DOT1L: variants seen among roughly 807,000 people sequenced by gnomAD.
DOT1L encodes histone-lysine N-methyltransferase, H3 lysine-79 specific.
A neutral mutation model predicts 153.3 loss-of-function variants in DOT1L; 33 were observed. That is an observed-to-expected ratio of 0.22 (90% confidence interval 0.16 to 0.29). DOT1L has a LOEUF of 0.29. Ranked by LOEUF, DOT1L falls within the 10% of genes least tolerant of loss-of-function variation. The probability of loss-of-function intolerance (pLI) is 1.00; values close to 1 mark genes in which losing one functional copy is unlikely to be tolerated. For synonymous variants in DOT1L, 1,135 were observed against 965.1 expected, an observed-to-expected ratio of 1.18 and a Z score of -3.26; for missense variants, 1,847 against 2,119.9, an observed-to-expected ratio of 0.87 and a Z score of 2.53.
chr19:2,189,407 C>A (rs923147571), intron 3 of DOT1L, among the ~76,000 whole-genome samples: 1 of 152,222 alleles, frequency 6.6e-6, no homozygotes, highest in Non-Finnish European at 1.5e-5. Context: ...CCTCAGTCCC[C>A]CTCGAGCCCT....
intron 3 of DOT1L, among the ~76,000 whole-genome samples, chr19:2,187,854 G>T (rs7254430): frequency 6.6e-6 from 1 of 151,184 alleles, no homozygotes; most frequent in Non-Finnish European, 1.5e-5. Context: ...CCCGGGAGGC[G>T]GAGCTTGCAG....
chr19:2,232,236 C>T lies in DOT1L; in HGVS notation c.*2444C>T, dbSNP rs2024632973. On this transcript the variant is annotated 3_prime_UTR_variant, in exon 28 of 28. Coordinates refer to ENST00000398665, the MANE Select transcript of DOT1L (RefSeq NM_032482.3). ...GGAACCCTAAAAACTAGGATACCCC[C>T]TCCTCGGCCCATGAGGCACGCACAG... The T allele has an allele frequency of 4.6e-6, 1 of 219,622 alleles. No individual in the cohort carries two copies. 13.6% of individuals were successfully genotyped at this position (219,622 alleles called of 1,614,324 possible).
Position 2,194,525 on chromosome 19 carries a change from G to T in DOT1L, c.599G>T (p.Arg200Leu), listed in dbSNP as rs781121686. Reference sequence around the variant, plus strand: ...TTTCTTTCCTTCCAGACCATGGACCGCGAGTTCAGGAAGTGGATGAAATGG... The same window carrying T: ...TTTCTTTCCTTCCAGACCATGGACCTCGAGTTCAGGAAGTGGATGAAATGG... ...IPAKYAETMD[R>L]EFRKWMKWYG... is the part of the protein sequence containing the mutation. Residue 200 changes from arginine (R) to leucine (L), a missense_variant, in exon 7 of 28, where the codon CGC becomes CTC. Transcript: ENST00000398665. 8.7e-6 allele frequency: 14 copies of T among 1,613,504 alleles called. No homozygotes were observed. Among genetic ancestry groups the T allele is most frequent in the Non-Finnish European group, 1.1e-5 (13 of 1,179,860 alleles).
At position 2,208,022 on chromosome 19, in the gene DOT1L, G is replaced by A. The variant is rs1430585950; in HGVS notation, c.963+342G>A. 2.6e-5 allele frequency among the ~76,000 whole-genome samples: 4 copies of A among 152,152 alleles called. No individual in the cohort carries two copies. Among genetic ancestry groups the A allele is most frequent in the Admixed American group, 2.6e-4 (4 of 15,290 alleles). ...TATCCAGAGGCCCCTGTGGATAGGA[G>A]TCCCACGTCCCTGTTCCCAGCTTCC... On this transcript the variant is annotated intron_variant, in intron 11 of 27. Coordinates refer to ENST00000398665, the MANE Select transcript of DOT1L (RefSeq NM_032482.3). This position sits in a 1 kb window ranked among gnomAD's most constrained non-coding sequence, Gnocchi z 4.4.
intron 26 of DOT1L, among the ~76,000 whole-genome samples, chr19:2,225,690 G>C (rs902041114): frequency 1.3e-5 from 2 of 152,014 alleles, no homozygotes; most frequent in Non-Finnish European, 2.9e-5. Context: ...CAGGGCCTCC[G>C]CGCACACGCC....
chr19:2,185,923 C>A lies in DOT1L; in HGVS notation c.194C>A (p.Thr65Asn). The A allele has an allele frequency of 6.2e-7, 1 of 1,614,030 alleles. No homozygotes were observed. Among genetic ancestry groups the A allele is most frequent in the Non-Finnish European group, 8.5e-7 (1 of 1,179,968 alleles). Residue 65 changes from threonine (T) to asparagine (N), a missense_variant, in exon 3 of 28, where the codon ACC (threonine) becomes AAC (asparagine). Physicochemically the swap from Thr to Asn is moderately conservative, Grantham distance 65. This residue lies in a region of DOT1L where 148 missense variants were observed against 422.3 expected (regional missense o/e 0.35). Coordinates refer to ENST00000398665, the MANE Select transcript of DOT1L (RefSeq NM_032482.3). ...MENYVLIDYD[T>N]KSFESMQRLC... ...AATTACGTTTTAATTGACTATGACA[C>A]CAAAAGGTAAGCAGAGTCCTGTCCA...
At chr19:2,184,557 C>T (rs2144713822) in intron 2 of DOT1L, among the ~76,000 whole-genome samples, 1 of 152,246 alleles carries the variant, frequency 6.6e-6, no homozygotes, top group African/African-American at 2.4e-5. Context: ...AACCCCCATC[C>T]CTCCCTGACC....
intron 27 of DOT1L, chr19:2,227,816 C>T (rs767318897): frequency 8.4e-6 from 11 of 1,301,930 alleles, no homozygotes; most frequent in Admixed American, 2.3e-5. Context: ...CATGTGGCAG[C>T]GCCACACTGG....
intron 7 of DOT1L, among the ~76,000 whole-genome samples, chr19:2,195,287 T>C (rs1236005212): frequency 3.3e-5 from 5 of 152,040 alleles, no homozygotes; most frequent in Non-Finnish European, 7.4e-5. Flanking sequence ...GCTGAGTCCT[T>C]AGACACCAGG....
Position 2,206,796 on chromosome 19 carries a change from T to C in DOT1L, c.855T>C (p.Ser285=), listed in dbSNP as rs942122014. The C allele has an allele frequency of 7.4e-6, 12 of 1,613,524 alleles. No individual in the cohort carries two copies. The highest frequency in any genetic ancestry group is 1.0e-5 in the Non-Finnish European group (12 of 1,179,624). ...TCAGAATAAACAGTAGAAACTTGAG[T>C]GGTAAGAAACTCTCATGTTGTTAAT... The part of the protein sequence containing the change: ...LNFRINSRNL[S]DIGTIMRVVE... Residue 285 remains serine, a splice_region_variant and synonymous_variant, in exon 10 of 28, where the codon AGT becomes AGC. Coordinates refer to ENST00000398665, the MANE Select transcript of DOT1L (RefSeq NM_032482.3).
chr19:2,166,613 G>A (rs1236355509), intron 1 of DOT1L, among the ~76,000 whole-genome samples: 1 of 151,846 alleles, frequency 6.6e-6, no homozygotes, highest in Non-Finnish European at 1.5e-5. Context: ...GTTTCTTCAT[G>A]TTGGCTAGGC....
At chr19:2,185,181 G>C (rs1418904908) in intron 2 of DOT1L, among the ~76,000 whole-genome samples, 1 of 152,166 alleles carries the variant, frequency 6.6e-6, no homozygotes, top group East Asian at 1.9e-4. Flanking sequence ...TGGGATTACA[G>C]GTGTGAGCCA....
rs536796433 is a variant in DOT1L at position 2,207,808 on chromosome 19, C to T, written c.963+128C>T. The T allele has an allele frequency of 1.2e-6, 1 of 859,106 alleles. No individual in the cohort carries two copies. Among genetic ancestry groups the T allele is most frequent in the African/African-American group, 1.7e-5 (1 of 58,896 alleles). The allele number at this position is 859,106 out of a possible 1,614,324, so 53.2% of individuals were successfully genotyped here. ...CTCAGAGCCCTCAACGCCCCCCGGC[C>T]CCTGAGCTCAGGCCCAGCTCCTCAA... On this transcript the variant is annotated intron_variant, in intron 11 of 27. Coordinates refer to ENST00000398665, the MANE Select transcript of DOT1L (RefSeq NM_032482.3). The surrounding 1 kb of genome is among the most constrained non-coding windows in gnomAD (Gnocchi z 4.5).
At chr19:2,229,500 G>A (rs1033583381) in intron 27 of DOT1L, 1 of 985,378 alleles carries the variant, frequency 1.0e-6, no homozygotes, top group African/African-American at 1.7e-5. Flanking sequence ...TCTCTTAGGA[G>A]ATGAGCTGCA....
Position 2,208,341 on chromosome 19 carries a change from G to C in DOT1L, c.964-594G>C, listed in dbSNP as rs1014055773. Reference sequence around the variant, plus strand: ...GGTGGTTTTCCTTACGGTGGTGCTGGTGTGTCTGCACCCTCACTGTCCAGT... The same window carrying C: ...GGTGGTTTTCCTTACGGTGGTGCTGCTGTGTCTGCACCCTCACTGTCCAGT... On this transcript the variant is annotated intron_variant, in intron 11 of 27. Coordinates refer to ENST00000398665, the MANE Select transcript of DOT1L (RefSeq NM_032482.3). This position sits in a 1 kb window ranked among gnomAD's most constrained non-coding sequence, Gnocchi z 4.4. Among the ~76,000 whole-genome samples, 1 of 152,124 alleles carries C rather than the reference G, an allele frequency of 6.6e-6. No individual in the cohort carries two copies. The highest frequency in any genetic ancestry group is 1.5e-5 in the Non-Finnish European group (1 of 68,016).
rs2024596654 is a variant in DOT1L, at chr19:2,231,517, C to G, written c.*1725C>G. ...CCCAGCCCCCAACAACCTCTCAGACCCCCACCCTCCAACATAGCTGAGTTC... is the reference window on the plus strand; with the variant it reads ...CCCAGCCCCCAACAACCTCTCAGACGCCCACCCTCCAACATAGCTGAGTTC... On this transcript the variant is annotated 3_prime_UTR_variant, in exon 28 of 28. Transcript: ENST00000398665. The G allele has an allele frequency of 4.9e-6, 1 of 202,070 alleles. No individual in the cohort carries two copies. Among genetic ancestry groups the G allele is most frequent in the Non-Finnish European group, 1.0e-5 (1 of 98,348 alleles). The allele number at this position is 202,070 out of a possible 1,614,324, so 12.5% of individuals were successfully genotyped here.
At chr19:2,227,792 C>T (rs966484841) in intron 27 of DOT1L, 4 of 1,311,676 alleles carry the variant, frequency 3.0e-6, no homozygotes, top group Admixed American at 2.2e-5. Context: ...GAGCCCGTGT[C>T]GGCCGCGGGG....
Position 2,164,165 on chromosome 19 carries a change from C to A in DOT1L, c.-20C>A, listed in dbSNP as rs1454999663. On this transcript the variant is annotated 5_prime_UTR_variant, in exon 1 of 28. Coordinates refer to ENST00000398665, the MANE Select transcript of DOT1L (RefSeq NM_032482.3). ...CCCCAACCGCCCGCCTAGCATGGTG[C>A]GGCGGCCGCGCGCGCGGACATGGGG... 4 of 1,108,174 alleles carry A rather than the reference C, an allele frequency of 3.6e-6. No homozygotes were observed. Among genetic ancestry groups the A allele is most frequent in the Non-Finnish European group, 4.4e-6 (4 of 909,036 alleles). The allele number at this position is 1,108,174 out of a possible 1,614,324, so 68.6% of individuals were successfully genotyped here. A position where few individuals can be genotyped will look rare whatever the true frequency, so the allele number is the denominator to read the frequency against.
intron 2 of DOT1L, 133 bp downstream of exon 2, chr19:2,180,889 G>T: frequency 9.2e-7 from 1 of 1,087,366 alleles, no homozygotes; most frequent in Non-Finnish European, 1.3e-6. Context: ...AAGCGGATCA[G>T]GGGTGACTCA....
Sources: allele counts gnomAD v4.1 joint callset (sites outside exome capture counted in the v4.1 genomes callset), GRCh38; gene constraint gnomAD v4.1.1; regional missense constraint gnomAD v4.1.1; non-coding constraint Gnocchi (gnomAD v3.1); transcripts MANE v1.5; gene names NCBI Gene and HGNC (gene_info 2026-07-23, HGNC 2026-07-21).